Variants in PIK3C2G observed in about 807,000 individuals in gnomAD.
PIK3C2G encodes phosphatidylinositol 3-kinase C2 domain-containing subunit gamma.
Under a neutral mutation model 181.1 loss-of-function variants are expected in PIK3C2G, and 168 were observed. The ratio of observed to expected loss-of-function variants is 0.93; its 90% CI spans 0.82 to 1.05. PIK3C2G has a LOEUF of 1.05. Among genes scored for constraint, PIK3C2G ranks in the 50% least tolerant of loss-of-function variants. The pLI, the probability that PIK3C2G is intolerant of heterozygous loss-of-function variation, is 0.00. For synonymous variants in PIK3C2G, 573 were observed against 592.2 expected (o/e 0.97, Z 0.47); for missense variants, 1,869 against 1,732.8 (o/e 1.08, Z -1.40).
chr12:18,469,924 T>C (rs1478076649), intron 18 of PIK3C2G, among the ~76,000 whole-genome samples: 1 of 151,966 alleles, frequency 6.6e-6, no homozygotes, highest in Non-Finnish European at 1.5e-5. Context: ...TCTTTTTTTT[T>C]TTTTTCATTT....
the PIK3C2G span, among the ~76,000 whole-genome samples, chr12:18,710,329 G>C: frequency 1.8e-4 from 28 of 151,540 alleles, no homozygotes; most frequent in South Asian, 5.2e-3. Flanking sequence ...TTTGGGAAGA[G>C]TATTTCATAT....
At chr12:18,380,215 T>C (rs1942744624) in intron 13 of PIK3C2G, among the ~76,000 whole-genome samples, 1 of 152,154 alleles carries the variant, frequency 6.6e-6, no homozygotes, top group African/African-American at 2.4e-5. Flanking sequence ...GGTCCTTCTT[T>C]CTCTGCCTTC....
the PIK3C2G span, among the ~76,000 whole-genome samples, chr12:18,702,906 C>T: frequency 1.5e-4 from 23 of 150,116 alleles, no homozygotes; most frequent in African/African-American, 5.2e-4. Context: ...CTGCAACCTC[C>T]GCCTCCTGGG....
intron 20 of PIK3C2G, among the ~76,000 whole-genome samples, 171 bp from the exon 21 acceptor site, chr12:18,495,891 T>A (rs898321246): frequency 6.6e-6 from 1 of 152,136 alleles, no homozygotes; most frequent in African/African-American, 2.4e-5. Flanking sequence ...CTAAATTTTT[T>A]AAAATTTGTA....
chr12:18,594,586 T>C lies in PIK3C2G; in HGVS notation c.4087+17T>C. On this transcript the variant is annotated intron_variant, in intron 30 of 32. Coordinates refer to ENST00000538779, the MANE Select transcript of PIK3C2G (RefSeq NM_001288772.2). ...TGTACCTAGGTAAGTAAATTTGTCA[T>C]TATATTACGTACAGTGATTTTCAAA... 1 of 1,314,512 alleles carries C rather than the reference T, an allele frequency of 7.6e-7. No homozygotes were observed. Among genetic ancestry groups the C allele is most frequent in the South Asian group, 1.4e-5 (1 of 69,046 alleles). The allele number at this position is 1,314,512 out of a possible 1,614,324, so 81.4% of individuals were successfully genotyped here. A position where few individuals can be genotyped will look rare whatever the true frequency, so the allele number is the denominator to read the frequency against.
intron 18 of PIK3C2G, among the ~76,000 whole-genome samples, chr12:18,461,306 C>T (rs752418354): frequency 8.5e-5 from 13 of 152,106 alleles, no homozygotes; most frequent in Non-Finnish European, 1.8e-4. Context: ...TTATAGTTAA[C>T]CAAACCCCTG....
the PIK3C2G span, among the ~76,000 whole-genome samples, chr12:18,658,992 G>GCTCT: frequency 3.3e-5 from 5 of 152,078 alleles, no homozygotes; most frequent in African/African-American, 7.2e-5. Context: ...AATAACTCAT[G>GCTCT]CTCTATGACT....
the PIK3C2G span, among the ~76,000 whole-genome samples, chr12:18,706,964 C>T: frequency 6.6e-6 from 1 of 152,196 alleles, no homozygotes; most frequent in Non-Finnish European, 1.5e-5. Flanking sequence ...ATCCTCCTTG[C>T]CTCTTCCAGG....
chr12:18,391,328 G>T, intron 15 of PIK3C2G, 76 bp downstream of exon 15: 1 of 1,105,286 alleles, frequency 9.0e-7, no homozygotes, highest in Non-Finnish European at 1.2e-6. Flanking sequence ...AAGCATGATA[G>T]CTTCAAAGAG....
At chr12:18,688,998 T>TAGAAG in the PIK3C2G span, among the ~76,000 whole-genome samples, 13,383 of 148,992 alleles carry the variant, frequency 0.09, 691 homozygotes, top group African/African-American at 0.14. Context: ...AGAGAAGGAG[T>TAGAAG]AGAAAAGAAA....
chr12:18,719,587 A>G, the PIK3C2G span: 1 of 1,606,934 alleles, frequency 6.2e-7, no homozygotes, highest in African/African-American at 1.3e-5. Flanking sequence ...ACGTGAATCC[A>G]TGTATCTTGT....
intron 12 of PIK3C2G, among the ~76,000 whole-genome samples, chr12:18,370,408 T>C (rs984722690): frequency 2.6e-5 from 4 of 152,172 alleles, no homozygotes; most frequent in Non-Finnish European, 5.9e-5. Context: ...CGGAGAGTCT[T>C]GACCTTATCA....
chr12:18,589,781 G>T (rs1946979195), intron 29 of PIK3C2G, among the ~76,000 whole-genome samples: 1 of 151,950 alleles, frequency 6.6e-6, no homozygotes, highest in African/African-American at 2.4e-5. Flanking sequence ...AAGGCTAATT[G>T]CTGTCTTTTC....
At chr12:18,710,152 T>A in the PIK3C2G span, among the ~76,000 whole-genome samples, 2 of 149,490 alleles carry the variant, frequency 1.3e-5, no homozygotes, top group Admixed American at 6.8e-5. Context: ...TAGAAAGCAT[T>A]GCATTTTGTC....
intron 32 of PIK3C2G, among the ~76,000 whole-genome samples, chr12:18,641,808 G>A (rs1949856519): frequency 7.1e-6 from 1 of 140,716 alleles, no homozygotes; most frequent in African/African-American, 2.7e-5. Flanking sequence ...GGAGTGCAGT[G>A]GCGCAATCTC....
chr12:18,528,290 C>T (rs1375464866), intron 24 of PIK3C2G, among the ~76,000 whole-genome samples: 4 of 152,100 alleles, frequency 2.6e-5, no homozygotes, highest in Non-Finnish European at 4.4e-5. Flanking sequence ...CTTAAACATT[C>T]CCCAATGTGC....
chr12:18,312,405 C>A (rs1950677168), intron 5 of PIK3C2G, among the ~76,000 whole-genome samples: 1 of 152,144 alleles, frequency 6.6e-6, no homozygotes, highest in African/African-American at 2.4e-5. Flanking sequence ...GAAAAGGAAT[C>A]TTTGAAAGCA....
intron 4 of PIK3C2G, among the ~76,000 whole-genome samples, chr12:18,292,232 A>ATATT (rs1949742886): frequency 8.2e-6 from 1 of 122,650 alleles, no homozygotes; most frequent in African/African-American, 3.4e-5. Flanking sequence ...AAAAAAATAT[A>ATATT]TATATATATA....
At chr12:18,407,585 A>T (rs1944610910) in intron 16 of PIK3C2G, among the ~76,000 whole-genome samples, 1 of 152,170 alleles carries the variant, frequency 6.6e-6, no homozygotes, top group Non-Finnish European at 1.5e-5. Context: ...CTGGAGGTAG[A>T]TAATAGGCCA....
Sources: allele counts gnomAD v4.1 joint callset (sites outside exome capture counted in the v4.1 genomes callset), GRCh38; gene constraint gnomAD v4.1.1; transcripts MANE v1.5; gene names NCBI Gene and HGNC (gene_info 2026-07-23, HGNC 2026-07-21).